EEF1G: variants seen among roughly 807,000 people sequenced by gnomAD.
EEF1G encodes eukaryotic translation elongation factor 1 gamma, also known as elongation factor 1-gamma.
Under a neutral mutation model 58.3 loss-of-function variants are expected in EEF1G, and 14 were observed. The ratio of observed to expected loss-of-function variants is 0.24; its 90% CI spans 0.16 to 0.38. EEF1G has a LOEUF of 0.38. EEF1G is among the 10% of genes least tolerant of loss of function. The pLI, the probability that EEF1G is intolerant of heterozygous loss-of-function variation, is 1.00. For missense variants in EEF1G, 322 were observed against 550.1 expected (o/e 0.59, Z 4.15); for synonymous variants, 180 against 206.8 (o/e 0.87, Z 1.11).
At chr11:62,568,989 T>C (rs1239152753) in intron 5 of EEF1G, among the ~76,000 whole-genome samples, 9 of 147,874 alleles carry the variant, frequency 6.1e-5, no homozygotes, top group African/African-American at 9.9e-5. Context: ...AAAAAAAAGA[T>C]TGAGACCCAC....
chr11:62,561,660 CAAAAAAAAAACAAAAAAAAAACAAA>C (rs1941495341), intron 7 of EEF1G, among the ~76,000 whole-genome samples: 1 of 43,306 alleles, frequency 2.3e-5, no homozygotes, highest in African/African-American at 8.3e-5. Context: ...GACTCCGTCT[CAAAAAAAAAACAAAAAAAAAACAAA>C]AAAAAAAAAA....
At chr11:62,567,373 A>G (rs762969760) in intron 6 of EEF1G, 26 bp downstream of exon 6, 1 of 1,593,738 alleles carries the variant, frequency 6.3e-7, no homozygotes, top group Non-Finnish European at 8.5e-7. Context: ...TCCTGGCCAT[A>G]TGCCTCCCAG....
intron 7 of EEF1G, among the ~76,000 whole-genome samples, chr11:62,562,316 G>A (rs537650144): frequency 2.0e-4 from 31 of 151,968 alleles, no homozygotes; most frequent in Non-Finnish European, 4.3e-4. Flanking sequence ...CTTGGTTGCC[G>A]GCTAATAAAG....
Position 62,567,548 on chromosome 11 carries a change from TAAAC to T in EEF1G, c.523-24_523-21del. On this transcript the variant is annotated intron_variant, in intron 5 of 9. Transcript: ENST00000329251. Reference sequence around the variant, plus strand: ...TAGAACCTGCCAGGACATAAGGGTGTAAACAAAGTCAGTGGAAAGGCCCTGAAGA... The same window carrying T: ...TAGAACCTGCCAGGACATAAGGGTGTAAAGTCAGTGGAAAGGCCCTGAAGA... 1.3e-6 allele frequency: 2 copies of T among 1,574,702 alleles called. No homozygotes were observed. Among genetic ancestry groups the T allele is most frequent in the Non-Finnish European group, 8.6e-7 (1 of 1,161,756 alleles).
At chr11:62,567,606 T>TAC in intron 5 of EEF1G, 78 bp from the exon 6 acceptor site, 7 of 1,416,978 alleles carry the variant, frequency 4.9e-6, no homozygotes, top group Non-Finnish European at 6.5e-6. Flanking sequence ...GTCCTTGCTC[T>TAC]ACCTAAGTCC....
At chr11:62,573,756 G>A (rs1941666529) in intron 1 of EEF1G, 75 bp downstream of exon 1, 1 of 1,603,404 alleles carries the variant, frequency 6.2e-7, no homozygotes, top group Non-Finnish European at 8.5e-7. Flanking sequence ...AACTCCTCTG[G>A]CGCCGACTGG....
intron 7 of EEF1G, among the ~76,000 whole-genome samples, chr11:62,563,047 T>C (rs971552920): frequency 1.3e-5 from 2 of 149,806 alleles, no homozygotes; most frequent in African/African-American, 4.9e-5. Context: ...GAGGCAGAGG[T>C]TGCAGTGAGC....
In EEF1G at chr11:62,560,388, T is replaced by G. The variant is rs1252771812; in HGVS notation, c.924A>C (p.Pro308=). 6.2e-7 allele frequency: 1 copy of G among 1,609,196 alleles called. No homozygotes were observed. The highest frequency in any genetic ancestry group is 8.5e-7 in the Non-Finnish European group (1 of 1,177,686). Residue 308 remains proline, a synonymous_variant, in exon 8 of 10, where the codon CCA becomes CCC. Coordinates refer to ENST00000329251, the MANE Select transcript of EEF1G (RefSeq NM_001404.5). ...CCTTATCAAAGTGCTCCCAGAAATA[T>G]GGCAGTGCCACAGAGAGTGTGTCCT... is the stretch of plus-strand genomic sequence containing the variant. ...SNEDTLSVAL[P]YFWEHFDKDG... is the part of the protein sequence containing the mutation.
intron 4 of EEF1G, 118 bp from the exon 5 acceptor site, chr11:62,571,226 C>A (rs906551409): frequency 3.4e-6 from 5 of 1,477,874 alleles, no homozygotes; most frequent in Non-Finnish European, 4.6e-6. Flanking sequence ...CCCTCACTCT[C>A]TTTCAATGGA....
intron 4 of EEF1G, 77 bp downstream of exon 4, chr11:62,571,463 A>C (rs1941630071): frequency 1.3e-6 from 2 of 1,489,934 alleles, no homozygotes; most frequent in Admixed American, 2.4e-5. Context: ...TTTTCAACCT[A>C]TTTTATTTCT....
Position 62,572,500 on chromosome 11 carries a change from G to A in EEF1G, c.171+84C>T, listed in dbSNP as rs146565609. The stretch of plus-strand genomic sequence containing the variant: ...AAACAACATGGGAAGCTCCCTTTTA[G>A]AGATGGGGGCCACCACCAGAGTGAC... On this transcript the variant is annotated intron_variant, in intron 2 of 9. Transcript: ENST00000329251. The A allele has an allele frequency of 5.5e-5, 85 of 1,540,792 alleles. No individual in the cohort carries two copies. In the African/African-American group the frequency reaches 1.1e-3, roughly 20 times the overall value.
Position 62,571,037 on chromosome 11 carries a change from A to G in EEF1G, c.450T>C (p.Thr150=). The change falls in exon 5 of 10, where the codon ACT becomes ACC. Residue 150 remains threonine, a synonymous_variant. Coordinates refer to ENST00000329251, the MANE Select transcript of EEF1G (RefSeq NM_001404.5). ...ATGTCACTCGTTCGCCCACCAGAAAAGTCCTCGTCTTCAAGTAAGCATCCA... is the reference window on the plus strand; with the variant it reads ...ATGTCACTCGTTCGCCCACCAGAAAGGTCCTCGTCTTCAAGTAAGCATCCA... ...GLLDAYLKTR[T]FLVGERVTLA... 6.2e-7 allele frequency: 1 copy of G among 1,613,918 alleles called. No individual in the cohort carries two copies. The highest frequency in any genetic ancestry group is 8.5e-7 in the Non-Finnish European group (1 of 1,179,868).
At chr11:62,563,523 G>A (rs1255176049) in intron 7 of EEF1G, among the ~76,000 whole-genome samples, 1 of 152,114 alleles carries the variant, frequency 6.6e-6, no homozygotes, top group Admixed American at 6.5e-5. Flanking sequence ...GTTGGACACC[G>A]GACTAAGCAA....
Position 62,560,069 on chromosome 11 carries a change from C to A in EEF1G, c.1155G>T (p.Pro385=), listed in dbSNP as rs375447576. ...WVFRGQELAF[P]LSPDWQVDYE... ...GACTCCTCTCCTCCACCTTCCTCAC[C>A]GGAAAGGCAAGCTCCTGGCCTCGGA... The change falls in exon 9 of 10, where the codon CCG becomes CCT. Residue 385 remains proline (P), a splice_region_variant and synonymous_variant. Transcript: ENST00000329251. The A allele has an allele frequency of 6.2e-7, 1 of 1,613,990 alleles. No homozygotes were observed. Among genetic ancestry groups the A allele is most frequent in the Non-Finnish European group, 8.5e-7 (1 of 1,179,894 alleles).
chr11:62,566,767 T>C, intron 7 of EEF1G, 39 bp downstream of exon 7: 2 of 1,601,922 alleles, frequency 1.2e-6, no homozygotes, highest in Non-Finnish European at 1.7e-6. Context: ...AGAACAGGCC[T>C]TCTTTGGTCC....
chr11:62,567,206 A>G (rs923388525), intron 6 of EEF1G, 193 bp downstream of exon 6: 5 of 927,890 alleles, frequency 5.4e-6, no homozygotes, highest in Middle Eastern at 5.9e-4. Context: ...TTTATATCGC[A>G]AATCTATATA....
chr11:62,561,893 A>T (rs940439875), intron 7 of EEF1G, among the ~76,000 whole-genome samples: 1 of 152,132 alleles, frequency 6.6e-6, no homozygotes, highest in Non-Finnish European at 1.5e-5. Context: ...ACAAGACACT[A>T]AGGGCTCCTC....
intron 6 of EEF1G, 90 bp from the exon 7 acceptor site, chr11:62,567,100 G>A (rs1462834222): frequency 1.4e-6 from 2 of 1,386,558 alleles, no homozygotes; most frequent in South Asian, 1.3e-5. Context: ...GGTAACAGAG[G>A]AAACTGACGA....
At chr11:62,568,259 G>A (rs370500508) in intron 5 of EEF1G, among the ~76,000 whole-genome samples, 17 of 150,916 alleles carry the variant, frequency 1.1e-4, no homozygotes, top group Admixed American at 2.0e-4. Flanking sequence ...GTGGTGGCAC[G>A]TGCCTGTAGT....
Sources: allele counts gnomAD v4.1 joint callset (sites outside exome capture counted in the v4.1 genomes callset), GRCh38; gene constraint gnomAD v4.1.1; transcripts MANE v1.5; gene names NCBI Gene and HGNC (gene_info 2026-07-23, HGNC 2026-07-21).